ARHGAP15: variants seen among roughly 807,000 people sequenced by gnomAD.
The protein encoded by ARHGAP15 is rho GTPase-activating protein 15.
In ARHGAP15, 51 loss-of-function variants were observed where a neutral mutation model predicts 63.7. That is an observed-to-expected ratio of 0.80 (90% CI 0.64 to 1.01). ARHGAP15 has a LOEUF of 1.01. ARHGAP15 is among the 50% of genes least tolerant of loss of function. ARHGAP15 has a pLI of 0.00. For missense variants in ARHGAP15, 560 were observed against 564.6 expected (o/e 0.99, Z 0.08); for synonymous variants, 191 against 193.8 (o/e 0.99, Z 0.12).
chr2:143,552,572 G>T (rs58030643), intron 10 of ARHGAP15, among the ~76,000 whole-genome samples: 173 of 151,530 alleles, frequency 1.1e-3, no homozygotes, highest in African/African-American at 3.9e-3. Context: ...TCGGGGTGGG[G>T]AGGCAGGGGA....
intron 11 of ARHGAP15, among the ~76,000 whole-genome samples, chr2:143,598,803 G>A (rs149213841): frequency 0.01 from 1,552 of 152,164 alleles, 28 homozygotes; most frequent in African/African-American, 0.035. Flanking sequence ...TTCAGTCCCA[G>A]CTACTCAGGA....
intron 8 of ARHGAP15, among the ~76,000 whole-genome samples, chr2:143,467,463 A>G (rs1462139117): frequency 6.6e-6 from 1 of 151,996 alleles, no homozygotes; most frequent in Non-Finnish European, 1.5e-5. Flanking sequence ...ATGTAACAGT[A>G]CTTGGTTTGG....
chr2:143,252,782 C>A (rs966906052), intron 6 of ARHGAP15, among the ~76,000 whole-genome samples: 4 of 151,956 alleles, frequency 2.6e-5, no homozygotes, highest in African/African-American at 9.7e-5. Flanking sequence ...ATATAAATAG[C>A]TTCTATAGTT....
chr2:143,622,917 T>A (rs1698695125), intron 11 of ARHGAP15, among the ~76,000 whole-genome samples: 1 of 152,146 alleles, frequency 6.6e-6, no homozygotes, highest in Admixed American at 6.5e-5. Context: ...TCTTACATTT[T>A]GGTGCAAAAT....
intron 12 of ARHGAP15, among the ~76,000 whole-genome samples, chr2:143,644,491 C>T (rs1001432341): frequency 2.0e-5 from 3 of 152,038 alleles, no homozygotes; most frequent in Admixed American, 6.6e-5. Context: ...GAGAGAACTT[C>T]CTGCTTCTGA....
At chr2:143,541,667 C>T (rs1695058622) in intron 10 of ARHGAP15, among the ~76,000 whole-genome samples, 1 of 152,178 alleles carries the variant, frequency 6.6e-6, no homozygotes, top group Non-Finnish European at 1.5e-5. Context: ...GCCTGGGTAT[C>T]AGCAGTGGTG....
At chr2:143,398,305 T>G (rs1687858097) in intron 6 of ARHGAP15, among the ~76,000 whole-genome samples, 1 of 152,154 alleles carries the variant, frequency 6.6e-6, no homozygotes, top group African/African-American at 2.4e-5. Context: ...CCTCTACCAT[T>G]GCTTAAACTC....
At chr2:143,655,415 G>T (rs946848412) in intron 12 of ARHGAP15, among the ~76,000 whole-genome samples, 1 of 67,446 alleles carries the variant, frequency 1.5e-5, no homozygotes, top group Non-Finnish European at 3.9e-5. Flanking sequence ...GCTACATACT[G>T]CCAGACACAG....
intron 12 of ARHGAP15, among the ~76,000 whole-genome samples, chr2:143,702,690 G>A (rs537052577): frequency 2.6e-5 from 4 of 152,132 alleles, no homozygotes; most frequent in Non-Finnish European, 5.9e-5. Flanking sequence ...TAGGCCTGCG[G>A]TATCCCTAGA....
intron 10 of ARHGAP15, among the ~76,000 whole-genome samples, chr2:143,533,806 A>G (rs1420489059): frequency 6.6e-6 from 1 of 152,132 alleles, no homozygotes; most frequent in Non-Finnish European, 1.5e-5. Context: ...ATAGAAATGC[A>G]TTTGTTTCTG....
chr2:143,292,561 T>C (rs1682452372), intron 6 of ARHGAP15, among the ~76,000 whole-genome samples: 1 of 152,004 alleles, frequency 6.6e-6, no homozygotes, highest in Admixed American at 6.6e-5. Context: ...GATTGTTCTA[T>C]TTATAGAGTA....
At chr2:143,137,242 T>C (rs1689182483) in intron 1 of ARHGAP15, among the ~76,000 whole-genome samples, 1 of 152,096 alleles carries the variant, frequency 6.6e-6, no homozygotes, top group Admixed American at 6.5e-5. Context: ...GTGTGGTCCA[T>C]GGGAGTATTG....
chr2:143,478,619 C>A (rs1487216179), intron 8 of ARHGAP15, among the ~76,000 whole-genome samples: 1 of 152,096 alleles, frequency 6.6e-6, no homozygotes, highest in East Asian at 1.9e-4. Context: ...ATAATGGAAC[C>A]TACCATATTG....
At chr2:143,671,039 C>G (rs10928195) in intron 12 of ARHGAP15, among the ~76,000 whole-genome samples, 120,157 of 152,088 alleles carry the variant, frequency 0.79, 48,528 homozygotes, top group East Asian at 0.92. Context: ...TTAAGAAAAT[C>G]TGCTAATGGC....
intron 1 of ARHGAP15, among the ~76,000 whole-genome samples, chr2:143,137,863 G>C (rs1689208737): frequency 6.6e-6 from 1 of 152,042 alleles, no homozygotes; most frequent in South Asian, 2.1e-4. Flanking sequence ...TTAAAGACTA[G>C]AAACTGAGCA....
chr2:143,248,892 T>G (rs1367471518), intron 5 of ARHGAP15, among the ~76,000 whole-genome samples: 1 of 152,236 alleles, frequency 6.6e-6, no homozygotes, highest in Non-Finnish European at 1.5e-5. Flanking sequence ...ATTATACCTT[T>G]TTAACCCCCT....
intron 6 of ARHGAP15, among the ~76,000 whole-genome samples, chr2:143,310,276 TA>T (rs1400730536): frequency 1.3e-5 from 2 of 152,076 alleles, no homozygotes; most frequent in African/African-American, 2.4e-5. Flanking sequence ...GTTTCATCAA[TA>T]AAAGCTGACA....
At chr2:143,643,006 T>A (rs1234179956) in intron 12 of ARHGAP15, among the ~76,000 whole-genome samples, 1 of 152,028 alleles carries the variant, frequency 6.6e-6, no homozygotes. Flanking sequence ...CACAGAACTT[T>A]CCACAGAAAA....
chr2:143,403,179 C>T (rs1317206206), intron 6 of ARHGAP15, among the ~76,000 whole-genome samples: 1 of 151,648 alleles, frequency 6.6e-6, no homozygotes, highest in East Asian at 1.9e-4. Flanking sequence ...CATATTTTTC[C>T]ACCAAAATTG....
Sources: gnomAD v4.1 joint callset for allele counts (sites outside exome capture counted in the v4.1 genomes callset) on GRCh38, gnomAD v4.1.1 for gene constraint, MANE v1.5 for transcripts, NCBI Gene and HGNC (gene_info 2026-07-23, HGNC 2026-07-21) for gene names.